DRC8: variants seen among roughly 807,000 people sequenced by gnomAD.
DRC8 encodes dynein regulatory complex protein 8.
At chr1:245,081,918 T>C in the DRC8 span, among the ~76,000 whole-genome samples, 1 of 152,200 alleles carries the variant, frequency 6.6e-6, no homozygotes, top group African/African-American at 2.4e-5. Context: ...ATGATGAAGG[T>C]AAATCTTAAA....
the DRC8 span, among the ~76,000 whole-genome samples, chr1:245,113,284 A>G: frequency 1.3e-5 from 2 of 152,184 alleles, no homozygotes; most frequent in African/African-American, 4.8e-5. Flanking sequence ...GCGCTCCTTC[A>G]TAAAGATCCT....
At chr1:245,052,872 G>A in the DRC8 span, among the ~76,000 whole-genome samples, 10 of 152,222 alleles carry the variant, frequency 6.6e-5, no homozygotes, top group Non-Finnish European at 1.3e-4. Context: ...TTCACTCTCA[G>A]CAGAGGACCT....
At chr1:244,992,464 C>T in the DRC8 span, among the ~76,000 whole-genome samples, 5 of 152,300 alleles carry the variant, frequency 3.3e-5, no homozygotes, top group Admixed American at 1.3e-4. Context: ...GAAGGCTGGG[C>T]GCAGTGGCTC....
the DRC8 span, among the ~76,000 whole-genome samples, chr1:245,096,326 T>TGAA: frequency 1.3e-5 from 2 of 152,156 alleles, no homozygotes; most frequent in Non-Finnish European, 2.9e-5. Flanking sequence ...GCAAAAGAAG[T>TGAA]GAAGAATGTC....
At chr1:245,109,921 A>G in the DRC8 span, among the ~76,000 whole-genome samples, 2 of 152,140 alleles carry the variant, frequency 1.3e-5, no homozygotes, top group African/African-American at 2.4e-5. Flanking sequence ...CCCATAGCCT[A>G]TGGTACTTTT....
At chr1:245,092,659 T>C in the DRC8 span, among the ~76,000 whole-genome samples, 21 of 152,354 alleles carry the variant, frequency 1.4e-4, no homozygotes, top group African/African-American at 4.6e-4. Flanking sequence ...AGGAAACTTA[T>C]ATTTTTAATA....
At chr1:245,092,560 G>C in the DRC8 span, among the ~76,000 whole-genome samples, 1,379 of 152,316 alleles carry the variant, frequency 9.1e-3, 24 homozygotes, top group African/African-American at 0.032. Context: ...CCAATCATCT[G>C]CTTCAGGAGC....
At chr1:244,990,004 G>A in the DRC8 span, among the ~76,000 whole-genome samples, 1,379 of 152,322 alleles carry the variant, frequency 9.1e-3, 12 homozygotes, top group Non-Finnish European at 0.015. Flanking sequence ...TATCCACATT[G>A]TATATGCTAC....
chr1:245,090,956 A>T, the DRC8 span: 1 of 152,232 alleles, frequency 6.6e-6, no homozygotes, highest in African/African-American at 2.4e-5. Flanking sequence ...CCTGACAGAT[A>T]ATTCCAGCAG....
chr1:244,970,651 GCCCCGCCTCTCTC>G, the DRC8 span: 2 of 40,214 alleles, frequency 5.0e-5, no homozygotes, highest in Non-Finnish European at 7.8e-5. Flanking sequence ...GCCCCGCCCC[GCCCCGCCTCTCTC>G]CCCCGCCCCG....
chr1:245,058,937 T>C, the DRC8 span, among the ~76,000 whole-genome samples: 1 of 152,208 alleles, frequency 6.6e-6, no homozygotes, highest in African/African-American at 2.4e-5. Flanking sequence ...ATCTCTCCAA[T>C]CTAGTAAGTC....
the DRC8 span, among the ~76,000 whole-genome samples, chr1:245,016,217 G>C: frequency 3.3e-5 from 5 of 152,254 alleles, no homozygotes; most frequent in Admixed American, 3.3e-4. Flanking sequence ...CTGACCTCAG[G>C]TGAACCACCC....
chr1:245,069,364 G>A, the DRC8 span, among the ~76,000 whole-genome samples: 3 of 152,120 alleles, frequency 2.0e-5, no homozygotes, highest in African/African-American at 7.2e-5. Flanking sequence ...GTGGAAGTGG[G>A]TCATCATAAA....
the DRC8 span, among the ~76,000 whole-genome samples, chr1:245,040,695 A>C: frequency 6.6e-6 from 1 of 152,204 alleles, no homozygotes. Context: ...TAATCCCAGC[A>C]CTTTGGGAGG....
chr1:245,109,530 C>T, the DRC8 span, among the ~76,000 whole-genome samples: 2 of 152,220 alleles, frequency 1.3e-5, no homozygotes, highest in African/African-American at 4.8e-5. Context: ...GTGCATCGCT[C>T]TTTCCTCCAC....
At chr1:245,066,598 T>C in the DRC8 span, among the ~76,000 whole-genome samples, 142,972 of 152,272 alleles carry the variant, frequency 0.94, 67,592 homozygotes, top group Non-Finnish European at 1. Flanking sequence ...CTAGAAAACA[T>C]AAGATAATGG....
the DRC8 span, among the ~76,000 whole-genome samples, chr1:244,996,140 A>G: frequency 2.6e-5 from 4 of 152,190 alleles, no homozygotes; most frequent in African/African-American, 9.6e-5. Context: ...GTTGTAGTCA[A>G]GATGTTGGCT....
the DRC8 span, chr1:245,087,838 T>A: frequency 1.3e-6 from 1 of 768,420 alleles, no homozygotes; most frequent in Non-Finnish European, 1.6e-6. Flanking sequence ...ATTACTAATT[T>A]ATTTTTTTAT....
chr1:244,996,856 C>T, the DRC8 span, among the ~76,000 whole-genome samples: 1 of 152,188 alleles, frequency 6.6e-6, no homozygotes, highest in African/African-American at 2.4e-5. Flanking sequence ...CTTCTCCATG[C>T]AGTCACCCCT....
Sources: allele counts gnomAD v4.1 joint callset (sites outside exome capture counted in the v4.1 genomes callset), GRCh38; gene constraint gnomAD v4.1.1; transcripts MANE v1.5; gene names NCBI Gene and HGNC (gene_info 2026-07-23, HGNC 2026-07-21).